Variants in DAB1 observed in about 807,000 individuals in gnomAD.
DAB1 encodes the protein DAB adaptor protein 1.
In DAB1, 15 loss-of-function variants were observed where a neutral mutation model predicts 64.6. The ratio of observed to expected loss-of-function variants is 0.23; its 90% CI spans 0.16 to 0.36. DAB1 has a LOEUF of 0.36. DAB1 is among the 10% of genes least tolerant of loss of function. The pLI is 1.00. For synonymous variants in DAB1, 235 were observed against 251.9 expected (o/e 0.93, Z 0.64); for missense variants, 596 against 706.7 (o/e 0.84, Z 1.78).
intron 4 of DAB1, among the ~76,000 whole-genome samples, chr1:58,260,083 T>C (rs188666388): frequency 2.6e-5 from 4 of 151,992 alleles, no homozygotes; most frequent in African/African-American, 9.7e-5. Flanking sequence ...ACCCAGGAAG[T>C]CTTACTCCAA....
chr1:58,387,915 G>C lies in DAB1; in HGVS notation n.258-44512C>G, dbSNP rs182938627. On this transcript the variant is annotated intron_variant and non_coding_transcript_variant, in intron 3 of 20. Transcript: ENST00000485760. ...TTAATTTTTTTGTATTTTTAGTAGA[G>C]ACAGGGTTTCACCATGTTAGCCAGG... 1.2e-4 allele frequency among the ~76,000 whole-genome samples: 19 copies of C among 152,002 alleles called. No homozygotes were observed. In the East Asian group the frequency reaches 3.3e-3, roughly 26 times the overall value.
At chr1:58,037,969 T>C (rs1008859496) in intron 5 of DAB1, among the ~76,000 whole-genome samples, 2 of 152,206 alleles carry the variant, frequency 1.3e-5, no homozygotes, top group African/African-American at 4.8e-5. Flanking sequence ...ATCTACTCAC[T>C]AATTCAAGTC....
upstream of DAB1, among the ~76,000 whole-genome samples, chr1:57,426,467 A>G (rs768287442): frequency 4.6e-5 from 7 of 152,240 alleles, no homozygotes; most frequent in Non-Finnish European, 8.8e-5. Flanking sequence ...ATGTCATGAA[A>G]TAAGTCACCT....
At chr1:58,454,493 C>A (rs959868459) in intron 3 of DAB1, among the ~76,000 whole-genome samples, 1 of 152,090 alleles carries the variant, frequency 6.6e-6, no homozygotes, top group African/African-American at 2.4e-5. Context: ...ACGGCCACAG[C>A]AACACAGAAA....
intron 4 of DAB1, among the ~76,000 whole-genome samples, chr1:58,197,930 T>G (rs188233567): frequency 1.4e-4 from 22 of 152,334 alleles, no homozygotes; most frequent in Admixed American, 2.0e-4. Flanking sequence ...AAGCTGTAAA[T>G]GTAAATCTAT....
chr1:57,647,033 C>T (rs1220194941), intron 7 of DAB1, among the ~76,000 whole-genome samples: 1 of 152,098 alleles, frequency 6.6e-6, no homozygotes, highest in East Asian at 1.9e-4. Flanking sequence ...GGGGAGGGAT[C>T]GTATCCTTCT....
intron 6 of DAB1, among the ~76,000 whole-genome samples, chr1:57,665,847 ATCTGTG>A (rs1558590373): frequency 8.4e-6 from 1 of 118,866 alleles, no homozygotes. Context: ...TTTTTTAATT[ATCTGTG>A]TGTGTGTGTG....
chr1:57,853,053 T>A (rs1046706724), intron 1 of DAB1, among the ~76,000 whole-genome samples: 1 of 152,198 alleles, frequency 6.6e-6, no homozygotes, highest in Non-Finnish European at 1.5e-5. Flanking sequence ...TAAAAATGTA[T>A]AATTAATTAT....
rs529581132 is a variant in DAB1 at position 58,524,995 on chromosome 1, G to A, written n.107+2266C>T. On this transcript the variant is annotated intron_variant and non_coding_transcript_variant, in intron 2 of 20. Transcript: ENST00000485760. The stretch of plus-strand genomic sequence containing the variant: ...ACAGGAAGTGAATACAAAACTATAA[G>A]AGTAGTACCATAGGTACCACAGTTA... 2.6e-5 allele frequency among the ~76,000 whole-genome samples: 4 copies of A among 152,260 alleles called. No individual in the cohort carries two copies. The South Asian group carries it at 8.3e-4, about 32-fold the overall frequency.
intron 3 of DAB1, among the ~76,000 whole-genome samples, chr1:58,501,662 T>C (rs1354811293): frequency 6.6e-6 from 1 of 152,178 alleles, no homozygotes; most frequent in Non-Finnish European, 1.5e-5. Flanking sequence ...AATGAAACCT[T>C]CTTTGACTGC....
intron 7 of DAB1, among the ~76,000 whole-genome samples, chr1:57,438,458 T>TG (rs2101127243): frequency 6.6e-6 from 1 of 152,192 alleles, no homozygotes; most frequent in African/African-American, 2.4e-5. Flanking sequence ...TTGGGTGCTG[T>TG]GGGGGCTAAA....
chr1:57,700,414 A>G (rs924149809), intron 6 of DAB1, among the ~76,000 whole-genome samples: 2 of 152,146 alleles, frequency 1.3e-5, no homozygotes, highest in African/African-American at 2.4e-5. Context: ...ACTGGCTACT[A>G]TCTACTTCAC....
chr1:58,526,511 TAAA>T (rs1461290582), intron 2 of DAB1, among the ~76,000 whole-genome samples: 1 of 148,224 alleles, frequency 6.7e-6, no homozygotes, highest in African/African-American at 2.5e-5. Flanking sequence ...CACAGGTGAT[TAAA>T]AATAGCTGCC....
intron 2 of DAB1, among the ~76,000 whole-genome samples, chr1:57,282,230 A>G (rs543435751): frequency 1.2e-3 from 176 of 147,740 alleles, no homozygotes; most frequent in African/African-American, 4.3e-3. Flanking sequence ...CTGAGTTTTG[A>G]AGGATGAACA....
At chr1:57,951,108 T>C (rs1645266649) in intron 5 of DAB1, among the ~76,000 whole-genome samples, 3 of 151,964 alleles carry the variant, frequency 2.0e-5, no homozygotes, top group Non-Finnish European at 4.4e-5. Context: ...ACACATAATT[T>C]ATTAGACCCT....
At chr1:57,419,510 A>C (rs1257582978) in intron 1 of DAB1, among the ~76,000 whole-genome samples, 4 of 151,400 alleles carry the variant, frequency 2.6e-5, no homozygotes, top group Non-Finnish European at 4.4e-5. Context: ...AAAAAAAAAA[A>C]ACCTTTGCCT....
intron 1 of DAB1, among the ~76,000 whole-genome samples, chr1:57,398,181 C>T (rs183033414): frequency 2.7e-3 from 415 of 152,284 alleles, no homozygotes; most frequent in Non-Finnish European, 4.3e-3. Flanking sequence ...GGCCCATAGG[C>T]GGCAGAGAGA....
intron 3 of DAB1, among the ~76,000 whole-genome samples, chr1:58,466,361 A>AT (rs1645295930): frequency 6.8e-6 from 1 of 146,034 alleles, no homozygotes; most frequent in African/African-American, 2.6e-5. Flanking sequence ...TGGCCTCTAC[A>AT]TTTTTTCCCA....
At chr1:58,210,170 G>A (rs951066084) in intron 4 of DAB1, among the ~76,000 whole-genome samples, 3 of 152,236 alleles carry the variant, frequency 2.0e-5, no homozygotes, top group Non-Finnish European at 4.4e-5. Context: ...CAAGACGTCC[G>A]AGATTTAAGC....
Sources: allele counts gnomAD v4.1 joint callset (sites outside exome capture counted in the v4.1 genomes callset), GRCh38; gene constraint gnomAD v4.1.1; transcripts MANE v1.5; gene names NCBI Gene and HGNC (gene_info 2026-07-23, HGNC 2026-07-21).